SOX5: variants seen among roughly 807,000 people sequenced by gnomAD.
The protein encoded by SOX5 is SRY-box transcription factor 5.
Under a neutral mutation model 92.0 loss-of-function variants are expected in SOX5, and 9 were observed. The ratio of observed to expected loss-of-function variants is 0.10; its 90% confidence interval spans 0.06 to 0.17. The LOEUF (loss-of-function observed/expected upper bound fraction) is 0.17, where lower values mean the gene tolerates loss of function less well. Among genes scored for constraint, SOX5 ranks in the 10% least tolerant of loss-of-function variants. The probability of loss-of-function intolerance (pLI) is 1.00; values close to 1 mark genes in which losing one functional copy is unlikely to be tolerated. For synonymous variants in SOX5, 344 were observed against 336.3 expected (o/e 1.02, Z -0.25); for missense variants, 642 against 944.5 (o/e 0.68, Z 4.20).
At chr12:23,666,785 A>T (rs1179416717) in intron 6 of SOX5, among the ~76,000 whole-genome samples, 1 of 152,220 alleles carries the variant, frequency 6.6e-6, no homozygotes, top group African/African-American at 2.4e-5. Context: ...TATAGTAGGG[A>T]TGATGGCGGT....
chr12:24,419,002 G>A (rs996704339), intron 1 of SOX5, among the ~76,000 whole-genome samples: 16 of 152,150 alleles, frequency 1.1e-4, no homozygotes, highest in Non-Finnish European at 1.5e-4. Flanking sequence ...TCTGTCAAAA[G>A]AGGATCCTCC....
At chr12:24,485,024 G>T (rs757243327) in intron 1 of SOX5, among the ~76,000 whole-genome samples, 1 of 152,152 alleles carries the variant, frequency 6.6e-6, no homozygotes, top group Non-Finnish European at 1.5e-5. Context: ...TTTAAGGGAG[G>T]ATTTACAAGG....
At chr12:23,793,545 G>C (rs758259585) in intron 3 of SOX5, among the ~76,000 whole-genome samples, 6 of 152,170 alleles carry the variant, frequency 3.9e-5, no homozygotes, top group Non-Finnish European at 7.4e-5. Flanking sequence ...ATGGGGTATA[G>C]GTGGGGAATT....
chr12:24,407,241 G>A lies in SOX5; in HGVS notation c.-250-38602C>T, dbSNP rs572412421. 1.1e-4 allele frequency among the ~76,000 whole-genome samples: 16 copies of A among 152,176 alleles called. No individual in the cohort carries two copies. In the South Asian group the frequency reaches 2.5e-3, roughly 24 times the overall value. The stretch of plus-strand genomic sequence containing the variant: ...TCGAAGATAGATCGAGGTGTGCCCC[G>A]GCAGCAGTCCACAAGTACTGACAAG... On this transcript the variant is annotated intron_variant, in intron 1 of 4. Transcript: ENST00000446891.
At chr12:24,171,485 A>G (rs912059238) in intron 4 of SOX5, among the ~76,000 whole-genome samples, 5 of 152,076 alleles carry the variant, frequency 3.3e-5, no homozygotes, top group Non-Finnish European at 7.4e-5. Flanking sequence ...GGCTTCCCAA[A>G]GGGCTAGGAT....
chr12:24,391,292 T>C (rs983763177), intron 1 of SOX5, among the ~76,000 whole-genome samples: 17 of 152,194 alleles, frequency 1.1e-4, no homozygotes, highest in African/African-American at 4.1e-4. Flanking sequence ...AGTAGAATTA[T>C]TTTAACACTA....
chr12:24,297,367 C>T lies in SOX5; in HGVS notation c.-173-20055G>A, dbSNP rs1225465549. On this transcript the variant is annotated intron_variant, in intron 2 of 4. Coordinates refer to the SOX5 transcript ENST00000446891. ...CATTCTCAGATTTTTTTCTTTCTTT[C>T]CAATAAAACAAACTGTTCTCTTCTT... is the stretch of plus-strand genomic sequence containing the variant. 2.0e-5 allele frequency among the ~76,000 whole-genome samples: 3 copies of T among 152,246 alleles called. No individual in the cohort carries two copies. The East Asian group carries it at 5.8e-4, about 29-fold the overall frequency.
intron 4 of SOX5, among the ~76,000 whole-genome samples, chr12:24,095,128 C>CAGAGAGAGAGAGAGAGAGAG (rs764681203): frequency 1.0e-4 from 9 of 90,218 alleles, no homozygotes; most frequent in East Asian, 5.9e-4. Context: ...CACACACACA[C>CAGAGAGAGAGAGAGAGAGAG]AGAGAGAGAG....
At chr12:23,702,363 T>C (rs1317269809) in intron 6 of SOX5, among the ~76,000 whole-genome samples, 2 of 152,056 alleles carry the variant, frequency 1.3e-5, no homozygotes, top group African/African-American at 2.4e-5. Context: ...AATTATCAGC[T>C]AAAAGGTCAA....
upstream of SOX5, among the ~76,000 whole-genome samples, chr12:23,952,517 C>T (rs998741700): frequency 1.3e-5 from 2 of 152,014 alleles, no homozygotes; most frequent in African/African-American, 4.8e-5. Flanking sequence ...GTACATATGC[C>T]AAATAAACAC....
intron 4 of SOX5, among the ~76,000 whole-genome samples, chr12:24,068,680 A>ATGTGTGTG (rs367765179): frequency 4.4e-3 from 277 of 62,832 alleles, no homozygotes; most frequent in Middle Eastern, 0.027. Flanking sequence ...TCAAAGTCGT[A>ATGTGTGTG]TGTGTGTGTG....
chr12:24,210,116 G>A (rs1395421435), intron 4 of SOX5, among the ~76,000 whole-genome samples: 2 of 150,096 alleles, frequency 1.3e-5, no homozygotes, highest in Non-Finnish European at 3.0e-5. Context: ...AATATATATG[G>A]ATGTTATCCT....
chr12:24,522,939 A>G (rs1249857955), intron 1 of SOX5, among the ~76,000 whole-genome samples: 3 of 152,178 alleles, frequency 2.0e-5, no homozygotes, highest in Non-Finnish European at 4.4e-5. Flanking sequence ...TAAGGAAAAA[A>G]AAAGATATCC....
At chr12:24,355,202 C>T (rs891612932) in intron 2 of SOX5, among the ~76,000 whole-genome samples, 4 of 146,724 alleles carry the variant, frequency 2.7e-5, no homozygotes, top group Non-Finnish European at 5.9e-5. Context: ...TGTGCAATAT[C>T]AGGATAGTGT....
At chr12:24,093,331 CTAACACGGTGAA>C (rs1944894706) in intron 4 of SOX5, among the ~76,000 whole-genome samples, 1 of 151,974 alleles carries the variant, frequency 6.6e-6, no homozygotes, top group Non-Finnish European at 1.5e-5. Flanking sequence ...ACCATCCTGG[CTAACACGGTGAA>C]ACCCCGTCTC....
chr12:23,805,904 T>C (rs2095761107), intron 3 of SOX5, among the ~76,000 whole-genome samples: 1 of 152,202 alleles, frequency 6.6e-6, no homozygotes, highest in South Asian at 2.1e-4. Context: ...TTAGACAAAG[T>C]ATGCTGTGAA....
chr12:23,757,390 G>T (rs1204673905), intron 3 of SOX5, among the ~76,000 whole-genome samples: 1 of 151,902 alleles, frequency 6.6e-6, no homozygotes, highest in Non-Finnish European at 1.5e-5. Flanking sequence ...AACTCTAGGA[G>T]TCATAAAACA....
At chr12:23,816,915 C>G (rs2096006578) in intron 3 of SOX5, among the ~76,000 whole-genome samples, 1 of 152,194 alleles carries the variant, frequency 6.6e-6, no homozygotes, top group South Asian at 2.1e-4. Flanking sequence ...TTAAACAGTT[C>G]TACTCTCATA....
intron 2 of SOX5, among the ~76,000 whole-genome samples, chr12:23,894,081 G>A (rs2097154587): frequency 6.6e-6 from 1 of 152,030 alleles, no homozygotes; most frequent in Non-Finnish European, 1.5e-5. Context: ...ACCTCTCTTT[G>A]CGTCAGTTTT....
Sources: allele counts gnomAD v4.1 joint callset (sites outside exome capture counted in the v4.1 genomes callset), GRCh38; gene constraint gnomAD v4.1.1; transcripts MANE v1.5; gene names NCBI Gene and HGNC (gene_info 2026-07-23, HGNC 2026-07-21).